DRICH1: variants seen among roughly 807,000 people sequenced by gnomAD.
DRICH1 encodes aspartate-rich protein 1.
DRICH1 carries 38 observed loss-of-function variants against 39.5 expected under a neutral mutation model. That is an observed-to-expected ratio of 0.96 (90% CI 0.74 to 1.26). The LOEUF (loss-of-function observed/expected upper bound fraction) is 1.26, where lower values mean the gene tolerates loss of function less well. Ranked by LOEUF, DRICH1 falls within the 50% of genes most tolerant of loss-of-function variation. The probability of loss-of-function intolerance (pLI) is 0.00; values close to 1 mark genes in which losing one functional copy is unlikely to be tolerated. For synonymous variants in DRICH1, 84 were observed against 99.5 expected, an observed-to-expected ratio of 0.84 and a Z score of 0.93; for missense variants, 279 against 270.4, an observed-to-expected ratio of 1.03 and a Z score of -0.22.
intron 2 of DRICH1, 48 bp downstream of exon 2, chr22:23,625,933 C>CCA: frequency 6.8e-7 from 1 of 1,474,638 alleles, no homozygotes; most frequent in Non-Finnish European, 9.5e-7. Flanking sequence ...TTGTTTCTGA[C>CCA]ATCAGGAAAG....
At chr22:23,614,505 C>T (rs1305725293) in intron 8 of DRICH1, among the ~76,000 whole-genome samples, 1 of 152,200 alleles carries the variant, frequency 6.6e-6, no homozygotes, top group Non-Finnish European at 1.5e-5. Flanking sequence ...GCCTTCCTCC[C>T]TCTCAAATGT....
intron 1 of DRICH1, among the ~76,000 whole-genome samples, chr22:23,627,693 GACAGGATCAGAGCA>G (rs553077921): frequency 3.9e-5 from 6 of 152,140 alleles, no homozygotes; most frequent in Admixed American, 6.5e-5. Context: ...AGCCTGTCTA[GACAGGATCAGAGCA>G]GCAGGAGCCA....
At chr22:23,600,956 G>A in the DRICH1 span, among the ~76,000 whole-genome samples, 1 of 152,118 alleles carries the variant, frequency 6.6e-6, no homozygotes, top group Non-Finnish European at 1.5e-5. Flanking sequence ...ACAGGCGTGA[G>A]CCACCGCACC....
chr22:23,630,535 A>T (rs1928327062), intron 1 of DRICH1: 1 of 152,146 alleles, frequency 6.6e-6, no homozygotes, highest in South Asian at 2.1e-4. Flanking sequence ...TTTTTATTAG[A>T]AGAATGACAT....
At chr22:23,626,405 T>C (rs1928067836) in intron 1 of DRICH1, among the ~76,000 whole-genome samples, 1 of 152,258 alleles carries the variant, frequency 6.6e-6, no homozygotes, top group African/African-American at 2.4e-5. Flanking sequence ...ACAAAGCCCA[T>C]GGATACAAAT....
At chr22:23,628,424 G>A (rs1928198263) in intron 1 of DRICH1, among the ~76,000 whole-genome samples, 1 of 152,086 alleles carries the variant, frequency 6.6e-6, no homozygotes, top group Non-Finnish European at 1.5e-5. Flanking sequence ...AAAATTAGTT[G>A]GGTGCGGTGG....
At chr22:23,595,632 C>T in the DRICH1 span, among the ~76,000 whole-genome samples, 8 of 152,348 alleles carry the variant, frequency 5.3e-5, no homozygotes, top group Middle Eastern at 3.4e-3. Flanking sequence ...AACAGACACA[C>T]ATTTTCCATG....
rs151331742 is a variant in DRICH1 at position 23,616,785 on chromosome 22, T to A, written c.541+68A>T. 1.6e-3 allele frequency: 2,570 copies of A among 1,583,222 alleles called. 33 individuals are homozygous for A. In the African/African-American group the frequency reaches 0.027, roughly 17 times the overall value. Reference sequence around the variant, plus strand: ...CAATATTTTTTAACAGGAACCCAGATTAAGGTTTCCATATATTAAAGCCAG... The same window carrying A: ...CAATATTTTTTAACAGGAACCCAGAATAAGGTTTCCATATATTAAAGCCAG... On this transcript the variant is annotated intron_variant, in intron 8 of 11. Transcript: ENST00000317749.
the DRICH1 span, among the ~76,000 whole-genome samples, chr22:23,581,982 T>C: frequency 5.9e-4 from 90 of 151,846 alleles, 1 homozygote; most frequent in East Asian, 6.2e-3. Flanking sequence ...CCACCATCCA[T>C]TTCTAGATTT....
At chr22:23,602,344 C>T in the DRICH1 span, among the ~76,000 whole-genome samples, 174 of 28,812 alleles carry the variant, frequency 6.0e-3, 1 homozygote, top group Non-Finnish European at 8.7e-3. Flanking sequence ...CCCCTGTAAT[C>T]CCAGCACTGT....
At chr22:23,596,594 C>CA in the DRICH1 span, among the ~76,000 whole-genome samples, 2 of 152,166 alleles carry the variant, frequency 1.3e-5, no homozygotes, top group Admixed American at 6.5e-5. Flanking sequence ...TCATTTATCT[C>CA]AAAGAATTTT....
intron 8 of DRICH1, among the ~76,000 whole-genome samples, chr22:23,615,584 C>T (rs1927308591): frequency 6.6e-6 from 1 of 152,230 alleles, no homozygotes; most frequent in Admixed American, 6.5e-5. Context: ...CACAATACTA[C>T]ACAGATGATC....
intron 11 of DRICH1, chr22:23,610,439 C>T: frequency 6.6e-6 from 1 of 152,392 alleles, no homozygotes; most frequent in East Asian, 1.9e-4. Flanking sequence ...GCTACCTCCC[C>T]CTCCAGGATG....
At chr22:23,616,830 G>A in intron 8 of DRICH1, 23 bp downstream of exon 8, 1 of 1,613,750 alleles carries the variant, frequency 6.2e-7, no homozygotes, top group Non-Finnish European at 8.5e-7. Flanking sequence ...TTCTCAGAAA[G>A]TGAGTTAGTT....
At chr22:23,626,787 C>A (rs962396921) in intron 1 of DRICH1, among the ~76,000 whole-genome samples, 1 of 152,158 alleles carries the variant, frequency 6.6e-6, no homozygotes, top group Non-Finnish European at 1.5e-5. Flanking sequence ...TCTAAAAAGG[C>A]ATTGCTCACA....
At chr22:23,597,834 T>G in the DRICH1 span, among the ~76,000 whole-genome samples, 2 of 152,164 alleles carry the variant, frequency 1.3e-5, no homozygotes, top group African/African-American at 4.8e-5. Flanking sequence ...GGGAGAGGGC[T>G]GTTCCACCGT....
the DRICH1 span, among the ~76,000 whole-genome samples, chr22:23,593,533 G>A: frequency 6.6e-6 from 1 of 152,206 alleles, no homozygotes; most frequent in Admixed American, 6.5e-5. Flanking sequence ...AGGCACAGTG[G>A]CTCACGCCTG....
intron 2 of DRICH1, 123 bp from the exon 3 acceptor site, chr22:23,625,027 T>C: frequency 8.9e-7 from 1 of 1,129,352 alleles, no homozygotes. Context: ...TGAGTCCATG[T>C]CAAAGACAAA....
At position 23,608,458 on chromosome 22, in the gene DRICH1, C is replaced by T; in HGVS notation, c.*306G>A. The stretch of plus-strand genomic sequence containing the variant: ...AGCCACCTCTGCACCTGAATAAATG[C>T]ACTCAGTCTCTTTATTTCAAGTGGG... On this transcript the variant is annotated 3_prime_UTR_variant, in exon 12 of 12. Transcript: ENST00000317749. The T allele has an allele frequency of 6.5e-6, 3 of 464,074 alleles. No individual in the cohort carries two copies. Among genetic ancestry groups the T allele is most frequent in the South Asian group, 3.9e-5 (1 of 25,380 alleles). 28.7% of individuals were successfully genotyped at this position (464,074 alleles called of 1,614,324 possible).
Sources: gnomAD v4.1 joint callset for allele counts (sites outside exome capture counted in the v4.1 genomes callset) on GRCh38, gnomAD v4.1.1 for gene constraint, MANE v1.5 for transcripts, NCBI Gene and HGNC (gene_info 2026-07-23, HGNC 2026-07-21) for gene names.